DDR2: variants seen among roughly 807,000 people sequenced by gnomAD.
DDR2 encodes the protein discoidin domain-containing receptor 2.
DDR2 carries 27 observed loss-of-function variants against 94.9 expected under a neutral mutation model. That is an observed-to-expected ratio of 0.28 (90% CI 0.21 to 0.39). The LOEUF (loss-of-function observed/expected upper bound fraction) is 0.39. Among genes scored for constraint, DDR2 ranks in the 10% least tolerant of loss-of-function variants. The pLI is 1.00. For missense variants in DDR2, 783 were observed against 1,076.0 expected (o/e 0.73, Z 3.81); for synonymous variants, 382 against 377.2 (o/e 1.01, Z -0.15).
Position 162,780,412 on chromosome 1 carries a change from C to A in DDR2, c.*166C>A. 16 of 761,720 alleles carry A rather than the reference C, an allele frequency of 2.1e-5. No individual in the cohort carries two copies. The highest frequency in any genetic ancestry group is 6.3e-5 in the South Asian group (3 of 47,746). The allele number at this position is 761,720 out of a possible 1,614,324, so 47.2% of individuals were successfully genotyped here. A position where few individuals can be genotyped will look rare whatever the true frequency, so the allele number is the denominator to read the frequency against. On this transcript the variant is annotated 3_prime_UTR_variant, in exon 18 of 18. Transcript: ENST00000367921. ...TCACCCCCACTCCCTACCCCTGACT[C>A]ATATACACTTTTTTTTTTTTTTACA...
At chr1:162,674,750 A>G (rs1477011554) in intron 2 of DDR2, among the ~76,000 whole-genome samples, 2 of 152,240 alleles carry the variant, frequency 1.3e-5, no homozygotes, top group Non-Finnish European at 2.9e-5. Context: ...AGCACTATAC[A>G]GAGATTATTT....
rs1301686630 is a variant in DDR2, at chr1:162,774,161, C to CTAATAA, written c.1856+567_1856+572dup. 5.3e-5 allele frequency among the ~76,000 whole-genome samples: 8 copies of CTAATAA among 152,166 alleles called. No homozygotes were observed. The South Asian group carries it at 6.2e-4, about 12-fold the overall frequency. On this transcript the variant is annotated intron_variant, in intron 14 of 17. Transcript: ENST00000367921. ...GTTCTCTAGCAGTTTTCCAAACTGGCTAATAATCTCTTGGATCTTTTTCTA... is the reference window on the plus strand; with the variant it reads ...GTTCTCTAGCAGTTTTCCAAACTGGCTAATAATAATAATCTCTTGGATCTTTTTCTA...
intron 2 of DDR2, among the ~76,000 whole-genome samples, chr1:162,693,134 A>G (rs1660031277): frequency 6.6e-6 from 1 of 152,250 alleles, no homozygotes; most frequent in Non-Finnish European, 1.5e-5. Context: ...ATATGAGGTT[A>G]GACATCAGTT....
At chr1:162,765,220 T>C (rs1469333404) in intron 9 of DDR2, among the ~76,000 whole-genome samples, 3 of 152,324 alleles carry the variant, frequency 2.0e-5, no homozygotes, top group Admixed American at 6.5e-5. Flanking sequence ...TCTTGAGCTT[T>C]AAATCCAATG....
intron 9 of DDR2, among the ~76,000 whole-genome samples, chr1:162,762,791 C>T (rs972536933): frequency 1.4e-4 from 21 of 152,000 alleles, no homozygotes; most frequent in African/African-American, 5.1e-4. Flanking sequence ...AAACTCATTG[C>T]TTTTTATCAA....
At chr1:162,755,021 G>C in intron 5 of DDR2, 135 bp from the exon 6 acceptor site, 1 of 1,454,674 alleles carries the variant, frequency 6.9e-7, no homozygotes, top group Non-Finnish European at 9.5e-7. Flanking sequence ...GAATATCAAG[G>C]CTGTGGGGAA....
intron 3 of DDR2, among the ~76,000 whole-genome samples, chr1:162,747,048 C>T (rs1488231313): frequency 6.6e-6 from 1 of 152,174 alleles, no homozygotes; most frequent in Admixed American, 6.5e-5. Flanking sequence ...GATAAAACCA[C>T]AAAGATGGGG....
intron 10 of DDR2, among the ~76,000 whole-genome samples, chr1:162,766,589 A>G (rs997407915): frequency 6.6e-6 from 1 of 152,186 alleles, no homozygotes; most frequent in Non-Finnish European, 1.5e-5. Flanking sequence ...CCTGTTTTTC[A>G]TGAGGTGTGA....
At chr1:162,675,196 A>G (rs772593905) in intron 2 of DDR2, among the ~76,000 whole-genome samples, 1 of 152,056 alleles carries the variant, frequency 6.6e-6, no homozygotes, top group South Asian at 2.1e-4. Context: ...CTTCATTCAG[A>G]AAGTGCTTCC....
At chr1:162,761,126 C>T (rs1444350212) in intron 8 of DDR2, 85 bp from the exon 9 acceptor site, 68 of 1,588,316 alleles carry the variant, frequency 4.3e-5, no homozygotes, top group Admixed American at 6.7e-5. Flanking sequence ...TCAGGGTAGA[C>T]GGCAACTACT....
chr1:162,683,511 A>G (rs1446694652), intron 2 of DDR2, among the ~76,000 whole-genome samples: 1 of 152,220 alleles, frequency 6.6e-6, no homozygotes, highest in Non-Finnish European at 1.5e-5. Flanking sequence ...CTCACCGGAT[A>G]CAAAAATCAA....
intron 3 of DDR2, among the ~76,000 whole-genome samples, chr1:162,729,512 T>TA (rs1432703876): frequency 3.4e-5 from 5 of 147,594 alleles, no homozygotes; most frequent in Non-Finnish European, 7.5e-5. Flanking sequence ...GATGAGTTGT[T>TA]AAAAAAATTT....
At chr1:162,693,104 G>A (rs144872773) in intron 2 of DDR2, among the ~76,000 whole-genome samples, 1 of 152,148 alleles carries the variant, frequency 6.6e-6, no homozygotes, top group African/African-American at 2.4e-5. Flanking sequence ...TTTATATAAA[G>A]TTCAAAAACA....
At chr1:162,640,294 C>T (rs994280091) in intron 1 of DDR2, among the ~76,000 whole-genome samples, 1 of 152,100 alleles carries the variant, frequency 6.6e-6, no homozygotes, top group African/African-American at 2.4e-5. Context: ...CCCCCCTCAG[C>T]CTCCCAACGT....
At chr1:162,755,048 TCTGCTCCTCGAA>T (rs1440684881) in intron 5 of DDR2, 96 bp from the exon 6 acceptor site, 1 of 1,533,412 alleles carries the variant, frequency 6.5e-7, no homozygotes, top group Non-Finnish European at 9.0e-7. Flanking sequence ...GTAGATGCAT[TCTGCTCCTCGAA>T]TTAAGAAGAG....
intron 3 of DDR2, among the ~76,000 whole-genome samples, chr1:162,751,454 C>G: frequency 6.6e-6 from 1 of 152,202 alleles, no homozygotes; most frequent in Non-Finnish European, 1.5e-5. Context: ...GAGATACCAT[C>G]TCACACCAGT....
chr1:162,775,304 A>G (rs1318160416), intron 14 of DDR2, among the ~76,000 whole-genome samples: 1 of 151,050 alleles, frequency 6.6e-6, no homozygotes, highest in East Asian at 1.9e-4. Context: ...TATGATTTTC[A>G]GTGAAACATT....
At chr1:162,755,840 G>T in intron 7 of DDR2, 71 bp downstream of exon 7, 1 of 1,302,896 alleles carries the variant, frequency 7.7e-7, no homozygotes, top group South Asian at 1.2e-5. Context: ...ATCATGTCTT[G>T]GGATCAATAA....
chr1:162,652,491 C>A (rs1045429254), intron 1 of DDR2, among the ~76,000 whole-genome samples: 2 of 152,110 alleles, frequency 1.3e-5, no homozygotes, highest in Admixed American at 1.3e-4. Flanking sequence ...CTTCTCTTAC[C>A]CCAGTTTTCT....
Sources: gnomAD v4.1 joint callset for allele counts (sites outside exome capture counted in the v4.1 genomes callset) on GRCh38, gnomAD v4.1.1 for gene constraint, MANE v1.5 for transcripts, NCBI Gene and HGNC (gene_info 2026-07-23, HGNC 2026-07-21) for gene names.